SEC14L5: variants seen among roughly 807,000 people sequenced by gnomAD.
The protein encoded by SEC14L5 is SEC14-like protein 5.
Under a neutral mutation model 84.6 loss-of-function variants are expected in SEC14L5, and 96 were observed. That is an observed-to-expected ratio of 1.13 (90% confidence interval 0.96 to 1.34). The LOEUF is 1.34. Among genes scored for constraint, SEC14L5 ranks in the 40% most tolerant of loss-of-function variants. The pLI is 0.00. For synonymous variants in SEC14L5, 546 were observed against 383.4 expected (o/e 1.42, Z -4.95); for missense variants, 1,224 against 942.5 (o/e 1.30, Z -3.91).
intron 3 of SEC14L5, 91 bp downstream of exon 3, chr16:4,987,797 G>C: frequency 1.0e-6 from 1 of 977,122 alleles, no homozygotes; most frequent in Non-Finnish European, 1.4e-6. Flanking sequence ...CAGGGCGGCG[G>C]GGTCCAGGAG....
intron 15 of SEC14L5, among the ~76,000 whole-genome samples, chr16:5,011,762 C>G (rs75805288): frequency 6.6e-6 from 1 of 152,152 alleles, no homozygotes; most frequent in African/African-American, 2.4e-5. Context: ...GCCTCAGGTG[C>G]TTCATCCCTT....
At position 5,011,226 on chromosome 16, in the gene SEC14L5, G is replaced by T; in HGVS notation, c.1932G>T (p.Lys644Asn). The change falls in exon 15 of 16, where the codon AAG becomes AAT. Residue 644 changes from lysine to asparagine, a missense_variant. By Grantham distance (94) the Lys-to-Asn change is moderately conservative (BLOSUM62 0). Transcript: ENST00000251170. ...VLTALHSPGP[K>N]CKLLYYCEVL... ...CGGCTCTGCACAGCCCCGGGCCCAAGTGCAAACTTCTCTACTACTGTGAGG... is the reference window on the plus strand; with the variant it reads ...CGGCTCTGCACAGCCCCGGGCCCAATTGCAAACTTCTCTACTACTGTGAGG... The T allele has an allele frequency of 6.2e-7, 1 of 1,613,896 alleles. No homozygotes were observed. Among genetic ancestry groups the T allele is most frequent in the South Asian group, 1.1e-5 (1 of 91,078 alleles).
At chr16:5,014,746 C>T (rs1020197788) in intron 15 of SEC14L5, 113 bp from the exon 16 acceptor site, 2 of 742,840 alleles carry the variant, frequency 2.7e-6, no homozygotes, top group African/African-American at 3.5e-5. Context: ...TTTGCATCGG[C>T]CTGGGGCCCT....
intron 2 of SEC14L5, among the ~76,000 whole-genome samples, chr16:4,970,118 G>A (rs1360317843): frequency 6.6e-6 from 1 of 152,144 alleles, no homozygotes; most frequent in African/African-American, 2.4e-5. Context: ...GGCCCATCTG[G>A]TTCTTTTGAT....
At chr16:4,966,684 C>T (rs908069372) in intron 2 of SEC14L5, among the ~76,000 whole-genome samples, 18 of 152,108 alleles carry the variant, frequency 1.2e-4, no homozygotes, top group African/African-American at 4.3e-4. Context: ...GAGGCTTATC[C>T]AGGGCTCCAA....
intron 2 of SEC14L5, among the ~76,000 whole-genome samples, chr16:4,962,828 A>G (rs1304635703): frequency 2.6e-5 from 4 of 152,172 alleles, no homozygotes; most frequent in Non-Finnish European, 4.4e-5. Flanking sequence ...AGCCACAGCA[A>G]CACTGCCAAC....
At position 5,015,046 on chromosome 16, in the gene SEC14L5, C is replaced by A; in HGVS notation, c.*76C>A. The A allele has an allele frequency of 8.4e-7, 1 of 1,196,184 alleles. No individual in the cohort carries two copies. Among genetic ancestry groups the A allele is most frequent in the Non-Finnish European group, 1.2e-6 (1 of 825,648 alleles). 74.1% of individuals were successfully genotyped at this position (1,196,184 alleles called of 1,614,324 possible). On this transcript the variant is annotated 3_prime_UTR_variant, in exon 16 of 16. Coordinates refer to ENST00000251170, the MANE Select transcript of SEC14L5 (RefSeq NM_014692.2). ...TCCAGAATGAGAAGCCAGCTAACTGCAGGGCCTGGGACCATGTGGGCTGGA... is the reference window on the plus strand; with the variant it reads ...TCCAGAATGAGAAGCCAGCTAACTGAAGGGCCTGGGACCATGTGGGCTGGA...
chr16:4,992,881 T>G (rs1000329060), intron 6 of SEC14L5, among the ~76,000 whole-genome samples: 1 of 152,220 alleles, frequency 6.6e-6, no homozygotes, highest in African/African-American at 2.4e-5. Flanking sequence ...TACATACATG[T>G]GTGTCTTATG....
In SEC14L5 at chr16:5,016,447, G is replaced by C. The variant is rs1955875880; in HGVS notation, c.*1477G>C. ...CCTTAGGCATTTGGGAGCACCAGCA[G>C]AATGGGGTCACTATTGTTGCATGAA... On this transcript the variant is annotated 3_prime_UTR_variant, in exon 16 of 16. Transcript: ENST00000251170. 2 of 152,260 alleles carry C rather than the reference G, an allele frequency of 1.3e-5. No individual in the cohort carries two copies. The highest frequency in any genetic ancestry group is 2.9e-5 in the Non-Finnish European group (2 of 68,044). 9.4% of individuals were successfully genotyped at this position (152,260 alleles called of 1,614,324 possible). A position where few individuals can be genotyped will look rare whatever the true frequency, so the allele number is the denominator to read the frequency against.
chr16:4,987,836 T>C, intron 3 of SEC14L5, 130 bp downstream of exon 3: 1 of 722,904 alleles, frequency 1.4e-6, no homozygotes, highest in Non-Finnish European at 2.2e-6. Flanking sequence ...AGTTGATATT[T>C]GGATGGAGGT....
chr16:4,986,491 C>T (rs1161117671), intron 2 of SEC14L5, among the ~76,000 whole-genome samples: 1 of 152,124 alleles, frequency 6.6e-6, no homozygotes, highest in Non-Finnish European at 1.5e-5. Flanking sequence ...TCCAATTTTG[C>T]TCTTTTTCGA....
At chr16:4,993,966 C>CT (rs374711543) in intron 6 of SEC14L5, among the ~76,000 whole-genome samples, 101,455 of 138,516 alleles carry the variant, frequency 0.73, 37,692 homozygotes, top group Non-Finnish European at 0.77. Flanking sequence ...GACTGTTTTC[C>CT]TTTTTTTTTT....
chr16:4,988,384 C>G, intron 4 of SEC14L5, 104 bp downstream of exon 4: 3 of 1,397,302 alleles, frequency 2.1e-6, no homozygotes, highest in Non-Finnish European at 2.9e-6. Flanking sequence ...CTCTGCCAAG[C>G]CCTCCCTCCT....
rs1485784619 is a variant in SEC14L5 at position 5,018,852 on chromosome 16, C to T, written c.*3882C>T. 6.6e-6 allele frequency: 1 copy of T among 152,136 alleles called. No homozygotes were observed. The highest frequency in any genetic ancestry group is 2.4e-5 in the African/African-American group (1 of 41,420). The allele number at this position is 152,136 out of a possible 1,614,324, so 9.4% of individuals were successfully genotyped here. On this transcript the variant is annotated 3_prime_UTR_variant, in exon 16 of 16. Transcript: ENST00000251170. ...CCCTCCCTGCTGTAAAATTTATTGT[C>T]CAATGAGAATAGTATAATTGTTTTC...
intron 2 of SEC14L5, among the ~76,000 whole-genome samples, chr16:4,980,746 A>T (rs528887824): frequency 5.9e-5 from 9 of 152,168 alleles, no homozygotes; most frequent in Non-Finnish European, 1.0e-4. Context: ...AGGAAGAGGC[A>T]GTCGTGCCTA....
intron 2 of SEC14L5, among the ~76,000 whole-genome samples, chr16:4,973,166 A>G (rs1955299935): frequency 6.6e-6 from 1 of 152,220 alleles, no homozygotes; most frequent in African/African-American, 2.4e-5. Flanking sequence ...CCAGCTGTCA[A>G]GTGGCAGAGC....
At chr16:4,966,426 AC>A (rs1049657838) in intron 2 of SEC14L5, among the ~76,000 whole-genome samples, 44 of 151,752 alleles carry the variant, frequency 2.9e-4, no homozygotes, top group African/African-American at 1.0e-3. Flanking sequence ...AGTGCCCGCC[AC>A]CATGCCCAGC....
At position 5,000,995 on chromosome 16, in the gene SEC14L5, G is replaced by C. The variant is rs182748498; in HGVS notation, c.1130+70G>C. On this transcript the variant is annotated intron_variant, in intron 10 of 15. Coordinates refer to ENST00000251170, the MANE Select transcript of SEC14L5 (RefSeq NM_014692.2). Reference sequence around the variant, plus strand: ...CGGAGGGTGGAGAGGGGTCCACTGTGCATATGTGCTGGGCTGGGCAGCGTG... The same window carrying C: ...CGGAGGGTGGAGAGGGGTCCACTGTCCATATGTGCTGGGCTGGGCAGCGTG... 4.6e-5 allele frequency: 56 copies of C among 1,222,550 alleles called. No homozygotes were observed. In the African/African-American group the frequency reaches 7.6e-4, roughly 17 times the overall value. The allele number at this position is 1,222,550 out of a possible 1,614,324, so 75.7% of individuals were successfully genotyped here.
At chr16:5,009,314 GT>G (rs560200600) in intron 14 of SEC14L5, among the ~76,000 whole-genome samples, 6 of 150,498 alleles carry the variant, frequency 4.0e-5, no homozygotes, top group Non-Finnish European at 8.9e-5. Context: ...CTTAAATCCT[GT>G]TTTTTTTTGA....
Sources: gnomAD v4.1 joint callset for allele counts (sites outside exome capture counted in the v4.1 genomes callset) on GRCh38, gnomAD v4.1.1 for gene constraint, MANE v1.5 for transcripts, NCBI Gene and HGNC (gene_info 2026-07-23, HGNC 2026-07-21) for gene names.